The following AFAP1 variants were observed in gnomAD, a reference collection of about 807,000 sequenced individuals.
The protein encoded by AFAP1 is actin filament associated protein 1.
AFAP1 carries 75 observed loss-of-function variants against 93.9 expected under a neutral mutation model. That is an observed-to-expected ratio of 0.80 (90% CI 0.66 to 0.97). AFAP1 has a LOEUF of 0.97. Among genes scored for constraint, AFAP1 ranks in the 50% least tolerant of loss-of-function variants. AFAP1 has a pLI of 0.00. For missense variants in AFAP1, 1,201 were observed against 1,050.8 expected (o/e 1.14, Z -1.98); for synonymous variants, 517 against 430.7 (o/e 1.20, Z -2.48).
chr4:7,795,355 A>G (rs997634033), intron 10 of AFAP1, among the ~76,000 whole-genome samples: 3 of 151,444 alleles, frequency 2.0e-5, no homozygotes, highest in Non-Finnish European at 2.9e-5. Context: ...AACAAAAAAA[A>G]CCACAAATGT....
chr4:7,850,261 C>T (rs1490041429), intron 4 of AFAP1, among the ~76,000 whole-genome samples: 1 of 152,164 alleles, frequency 6.6e-6, no homozygotes, highest in Non-Finnish European at 1.5e-5. Context: ...GAACCTGAAA[C>T]TCTAGAAGCA....
At chr4:7,893,736 C>G (rs1033227085) in intron 1 of AFAP1, among the ~76,000 whole-genome samples, 1 of 152,096 alleles carries the variant, frequency 6.6e-6, no homozygotes, top group Non-Finnish European at 1.5e-5. Flanking sequence ...CTGACTCACT[C>G]TTCTGGGACG....
chr4:7,901,437 T>C (rs1290671707), intron 1 of AFAP1, among the ~76,000 whole-genome samples: 2 of 152,210 alleles, frequency 1.3e-5, no homozygotes, highest in African/African-American at 2.4e-5. Context: ...CGGAATTACA[T>C]ACTTCCGGTG....
intron 1 of AFAP1, among the ~76,000 whole-genome samples, chr4:7,887,987 C>T (rs956926481): frequency 4.6e-5 from 7 of 152,106 alleles, no homozygotes; most frequent in East Asian, 1.9e-4. Context: ...CCACCACGCC[C>T]GGCTAAGTTT....
chr4:7,781,254 A>AG lies in AFAP1; in HGVS notation c.1782+121dup, dbSNP rs1716739319. On this transcript the variant is annotated intron_variant, in intron 13 of 17. Transcript: ENST00000420658. Reference sequence around the variant, plus strand: ...CAGGCTGCAAATTATATTCTAGTTGAGAAAAAAAAAACACATTATGCTTTG... The same window carrying AG: ...CAGGCTGCAAATTATATTCTAGTTGAGGAAAAAAAAAACACATTATGCTTTG... The AG allele has an allele frequency of 6.5e-6, 8 of 1,232,734 alleles. No individual in the cohort carries two copies. In the South Asian group the frequency reaches 1.1e-4, roughly 17 times the overall value. 76.4% of individuals were successfully genotyped at this position (1,232,734 alleles called of 1,614,324 possible). A position where few individuals can be genotyped will look rare whatever the true frequency, so the allele number is the denominator to read the frequency against.
At chr4:7,783,953 A>G (rs141735557) in intron 12 of AFAP1, among the ~76,000 whole-genome samples, 90 of 152,316 alleles carry the variant, frequency 5.9e-4, no homozygotes, top group African/African-American at 2.1e-3. Flanking sequence ...GTCTAAATCC[A>G]GTGGTAAGAC....
intron 12 of AFAP1, among the ~76,000 whole-genome samples, chr4:7,782,069 G>A (rs997533376): frequency 3.9e-5 from 6 of 152,204 alleles, no homozygotes; most frequent in African/African-American, 1.4e-4. Flanking sequence ...GGGGCCTGGT[G>A]CTCTGGGTCT....
intron 1 of AFAP1, among the ~76,000 whole-genome samples, chr4:7,901,665 G>A (rs1022373544): frequency 2.0e-5 from 3 of 152,186 alleles, no homozygotes; most frequent in Admixed American, 1.3e-4. Context: ...TGATGAGAAC[G>A]GAAAGGAATG....
intron 17 of AFAP1, among the ~76,000 whole-genome samples, chr4:7,766,406 G>C (rs1044307923): frequency 6.6e-6 from 1 of 152,170 alleles, no homozygotes; most frequent in Non-Finnish European, 1.5e-5. Context: ...TTACCTCCGC[G>C]TGGTGCCACA....
chr4:7,795,387 T>C (rs1718301461), intron 10 of AFAP1, among the ~76,000 whole-genome samples: 1 of 149,000 alleles, frequency 6.7e-6, no homozygotes, highest in Admixed American at 6.7e-5. Context: ...AGGTCTTATG[T>C]CCTTCCTAAA....
At chr4:7,823,270 G>A (rs1447324396) in intron 6 of AFAP1, among the ~76,000 whole-genome samples, 2 of 151,880 alleles carry the variant, frequency 1.3e-5, no homozygotes, top group East Asian at 1.9e-4. Flanking sequence ...AAAACAATGA[G>A]GGAATGAGGA....
rs541372494 is a variant in AFAP1 at position 7,826,123 on chromosome 4, T to C, written c.727-6952A>G. 5.3e-5 allele frequency among the ~76,000 whole-genome samples: 8 copies of C among 152,264 alleles called. No homozygotes were observed. In the South Asian group the frequency reaches 1.7e-3, roughly 32 times the overall value. ...GTGGGTGAAGGGGGAACCCACCATA[T>C]TTGGGACAGGGAAGAAGCCAGCCAA... is the stretch of plus-strand genomic sequence containing the variant. On this transcript the variant is annotated intron_variant, in intron 6 of 17. Coordinates refer to ENST00000420658, the MANE Select transcript of AFAP1 (RefSeq NM_001134647.2).
In AFAP1 at chr4:7,909,863, G is replaced by C. The variant is rs188724237; in HGVS notation, c.-3+29793C>G. ...TTCACAGCCCCCCAGATGCAGCTAG[G>C]GTTGCAAACCACTGTCCAAGACGCT... On this transcript the variant is annotated intron_variant, in intron 1 of 17. Transcript: ENST00000420658. 2.5e-3 allele frequency among the ~76,000 whole-genome samples: 383 copies of C among 152,212 alleles called. 3 individuals carry two copies. The highest frequency in any genetic ancestry group is 6.8e-3 in the African/African-American group (282 of 41,518).
intron 15 of AFAP1, 67 bp from the exon 16 acceptor site, chr4:7,773,077 C>G: frequency 6.6e-7 from 1 of 1,524,676 alleles, no homozygotes; most frequent in South Asian, 1.2e-5. Flanking sequence ...AGAGAAGGCA[C>G]CTGGTCCCCA....
At chr4:7,886,019 C>T (rs772653081) in intron 1 of AFAP1, among the ~76,000 whole-genome samples, 37 of 152,194 alleles carry the variant, frequency 2.4e-4, no homozygotes, top group Non-Finnish European at 4.3e-4. Context: ...TTCCACAGGC[C>T]TCCGCAGATC....
chr4:7,935,859 C>T (rs978768392), intron 1 of AFAP1, among the ~76,000 whole-genome samples: 1 of 152,174 alleles, frequency 6.6e-6, no homozygotes, highest in African/African-American at 2.4e-5. Flanking sequence ...CATGCATCCC[C>T]TCCCTTTCAT....
intron 8 of AFAP1, 47 bp downstream of exon 8, chr4:7,815,970 TG>T (rs755257848): frequency 4.3e-5 from 64 of 1,494,190 alleles, no homozygotes; most frequent in Non-Finnish European, 5.0e-5. Flanking sequence ...TTTTTGTTTT[TG>T]TTTTTTTTTT....
chr4:7,890,661 T>G (rs74285607), intron 1 of AFAP1, among the ~76,000 whole-genome samples: 1 of 152,066 alleles, frequency 6.6e-6, no homozygotes, highest in East Asian at 1.9e-4. Context: ...TTACAGACAT[T>G]TCAGGAATGG....
intron 10 of AFAP1, among the ~76,000 whole-genome samples, chr4:7,794,065 C>T (rs546138145): frequency 2.6e-5 from 4 of 152,254 alleles, no homozygotes; most frequent in African/African-American, 9.6e-5. Context: ...CCTAAACTGC[C>T]TTCCCATTAC....
Sources: allele counts gnomAD v4.1 joint callset (sites outside exome capture counted in the v4.1 genomes callset), GRCh38; gene constraint gnomAD v4.1.1; transcripts MANE v1.5; gene names NCBI Gene and HGNC (gene_info 2026-07-23, HGNC 2026-07-21).